The following HS3ST5 variants were observed in gnomAD, a reference collection of about 807,000 sequenced individuals.
The protein encoded by HS3ST5 is heparan sulfate glucosamine 3-O-sulfotransferase 5.
In HS3ST5, 10 loss-of-function variants were observed where a neutral mutation model predicts 25.4. The observed-to-expected ratio is 0.39, with a 90% CI of 0.24 to 0.67. HS3ST5 has a LOEUF of 0.67. Ranked by LOEUF, HS3ST5 falls within the 30% of genes least tolerant of loss-of-function variation. The pLI, the probability that HS3ST5 is intolerant of heterozygous loss-of-function variation, is 0.44. For synonymous variants in HS3ST5, 170 were observed against 162.4 expected, an observed-to-expected ratio of 1.05 and a Z score of -0.36; for missense variants, 324 against 420.7, an observed-to-expected ratio of 0.77 and a Z score of 2.01.
chr6:114,302,256 C>T (rs763152741), intron 1 of HS3ST5, among the ~76,000 whole-genome samples: 3 of 152,076 alleles, frequency 2.0e-5, no homozygotes, highest in African/African-American at 7.2e-5. Context: ...ATCAACATAA[C>T]CCTCAAAAAA....
chr6:114,310,300 A>G (rs1775474567), intron 1 of HS3ST5, among the ~76,000 whole-genome samples: 1 of 152,216 alleles, frequency 6.6e-6, no homozygotes, highest in African/African-American at 2.4e-5. Context: ...CTATATGCCA[A>G]TGGTCAGGGA....
intron 2 of HS3ST5, among the ~76,000 whole-genome samples, chr6:114,223,126 G>A (rs1352318022): frequency 2.6e-5 from 4 of 151,656 alleles, no homozygotes; most frequent in African/African-American, 9.6e-5. Context: ...TAAAGGCCAA[G>A]TGTTAAATTT....
chr6:114,103,857 A>ATTTTTTC (rs1554209070), intron 3 of HS3ST5, among the ~76,000 whole-genome samples: 57 of 107,126 alleles, frequency 5.3e-4, no homozygotes, highest in African/African-American at 2.0e-3. Context: ...CACCTGGCTA[A>ATTTTTTC]TTTTTTTTTT....
chr6:114,284,810 T>C (rs1774268095), intron 1 of HS3ST5, among the ~76,000 whole-genome samples: 1 of 151,854 alleles, frequency 6.6e-6, no homozygotes, highest in African/African-American at 2.4e-5. Context: ...TATATACATA[T>C]AGATCAGAGT....
intron 3 of HS3ST5, among the ~76,000 whole-genome samples, chr6:114,097,806 T>G (rs1170483597): frequency 1.3e-5 from 2 of 152,002 alleles, no homozygotes; most frequent in East Asian, 3.8e-4. Flanking sequence ...GTTTCCCATC[T>G]CAGCCTATTA....
At chr6:114,095,232 G>A (rs1358715397) in intron 3 of HS3ST5, among the ~76,000 whole-genome samples, 2 of 152,146 alleles carry the variant, frequency 1.3e-5, no homozygotes, top group African/African-American at 4.8e-5. Context: ...AGTGATTAGT[G>A]CTTCCATCTT....
intron 2 of HS3ST5, among the ~76,000 whole-genome samples, chr6:114,186,017 C>G (rs1215995144): frequency 6.6e-6 from 1 of 152,022 alleles, no homozygotes; most frequent in African/African-American, 2.4e-5. Context: ...TGATATAAGG[C>G]AGAGAACTTA....
chr6:114,272,561 A>G lies in HS3ST5; in HGVS notation c.-338-43783T>C, dbSNP rs549361890. On this transcript the variant is annotated intron_variant, in intron 1 of 4. Coordinates refer to ENST00000312719, the MANE Select transcript of HS3ST5 (RefSeq NM_153612.4). ...GTTAACCTGCCTAAGATGGAACACCAAAGTCTTCCAGTGCTGCTGTTCCAT... is the reference window on the plus strand; with the variant it reads ...GTTAACCTGCCTAAGATGGAACACCGAAGTCTTCCAGTGCTGCTGTTCCAT... Among the ~76,000 whole-genome samples the G allele has an allele frequency of 1.4e-4, 22 of 152,244 alleles. 1 individual carries two copies. In the East Asian group the frequency reaches 2.7e-3, roughly 19 times the overall value.
At chr6:114,145,443 C>G (rs1345471545) in intron 3 of HS3ST5, among the ~76,000 whole-genome samples, 1 of 152,080 alleles carries the variant, frequency 6.6e-6, no homozygotes, top group Non-Finnish European at 1.5e-5. Context: ...TATGGCAAGC[C>G]TGAAATGAAA....
intron 2 of HS3ST5, among the ~76,000 whole-genome samples, chr6:114,203,414 G>C (rs1361560471): frequency 6.6e-6 from 1 of 152,164 alleles, no homozygotes; most frequent in Non-Finnish European, 1.5e-5. Flanking sequence ...TTAGGATTAT[G>C]TGGGAACCCT....
chr6:114,087,619 T>A (rs951049537), intron 3 of HS3ST5, among the ~76,000 whole-genome samples: 3 of 152,122 alleles, frequency 2.0e-5, no homozygotes, highest in Admixed American at 6.5e-5. Context: ...AATAATCAGG[T>A]GCAAAAAAGA....
intron 1 of HS3ST5, among the ~76,000 whole-genome samples, chr6:114,270,351 A>G (rs1773586162): frequency 6.6e-6 from 1 of 152,206 alleles, no homozygotes; most frequent in South Asian, 2.1e-4. Flanking sequence ...CAGTGAAAAT[A>G]TAAGAAGGAA....
chr6:114,189,784 GCCTT>G (rs1780409837), intron 2 of HS3ST5, among the ~76,000 whole-genome samples: 1 of 152,086 alleles, frequency 6.6e-6, no homozygotes, highest in Non-Finnish European at 1.5e-5. Flanking sequence ...CAAATTAGAT[GCCTT>G]CCTGAAGCAT....
chr6:114,251,493 A>T (rs953146922), intron 1 of HS3ST5: 3 of 152,226 alleles, frequency 2.0e-5, no homozygotes, highest in Non-Finnish European at 4.4e-5. Flanking sequence ...CTCAGCATTT[A>T]CATTCCCTTT....
chr6:114,305,574 T>C (rs1775255330), intron 1 of HS3ST5, among the ~76,000 whole-genome samples: 2 of 152,154 alleles, frequency 1.3e-5, no homozygotes, highest in South Asian at 2.1e-4. Flanking sequence ...AAGTATCTTA[T>C]GTGTACTTTT....
At chr6:114,100,409 A>G (rs1775663366) in intron 3 of HS3ST5, among the ~76,000 whole-genome samples, 1 of 152,200 alleles carries the variant, frequency 6.6e-6, no homozygotes, top group Non-Finnish European at 1.5e-5. Flanking sequence ...TAGTATGGCT[A>G]GCAGTATTTC....
intron 1 of HS3ST5, among the ~76,000 whole-genome samples, chr6:114,302,820 T>C (rs1775135848): frequency 6.6e-6 from 1 of 152,156 alleles, no homozygotes; most frequent in Non-Finnish European, 1.5e-5. Context: ...ATGACAATCC[T>C]TTCTCAATTA....
chr6:114,133,245 C>A (rs1777434565), intron 3 of HS3ST5, among the ~76,000 whole-genome samples: 1 of 152,196 alleles, frequency 6.6e-6, no homozygotes. Context: ...CCCTCAGAGT[C>A]AGCTTCTTTG....
intron 3 of HS3ST5, among the ~76,000 whole-genome samples, chr6:114,072,064 G>T (rs565770633): frequency 6.6e-6 from 1 of 152,224 alleles, no homozygotes; most frequent in African/African-American, 2.4e-5. Flanking sequence ...AATTATATTA[G>T]GGCTTTCTAC....
Sources: allele counts gnomAD v4.1 joint callset (sites outside exome capture counted in the v4.1 genomes callset), GRCh38; gene constraint gnomAD v4.1.1; transcripts MANE v1.5; gene names NCBI Gene and HGNC (gene_info 2026-07-23, HGNC 2026-07-21).